Variants in SASH1 observed in about 807,000 individuals in gnomAD.
The protein encoded by SASH1 is SAM and SH3 domain containing 1.
SASH1 carries 44 observed loss-of-function variants against 125.2 expected under a neutral mutation model. That is an observed-to-expected ratio of 0.35 (90% CI 0.28 to 0.45). The LOEUF is 0.45. SASH1 is among the 20% of genes least tolerant of loss of function. The pLI, the probability that SASH1 is intolerant of heterozygous loss-of-function variation, is 1.00. For missense variants in SASH1, 1,426 were observed against 1,614.5 expected (o/e 0.88, Z 2.00); for synonymous variants, 639 against 649.1 (o/e 0.98, Z 0.24).
At chr6:148,260,662 A>G in the SASH1 span, among the ~76,000 whole-genome samples, 3 of 151,894 alleles carry the variant, frequency 2.0e-5, no homozygotes, top group African/African-American at 7.3e-5. Context: ...CACGTAAATA[A>G]TCTTATAGTT....
intron 1 of SASH1, among the ~76,000 whole-genome samples, chr6:148,311,984 C>G (rs1474971358): frequency 6.6e-6 from 1 of 152,198 alleles, no homozygotes; most frequent in African/African-American, 2.4e-5. Context: ...TTCTGTTACA[C>G]TGAGTCACCT....
intron 1 of SASH1, among the ~76,000 whole-genome samples, chr6:148,300,197 T>G (rs1045374534): frequency 1.3e-5 from 2 of 152,210 alleles, no homozygotes; most frequent in Non-Finnish European, 2.9e-5. Context: ...CTTTCATTAG[T>G]ATGATCAGAT....
At chr6:148,506,261 G>T (rs574943450) in intron 8 of SASH1, among the ~76,000 whole-genome samples, 3 of 151,774 alleles carry the variant, frequency 2.0e-5, no homozygotes, top group Non-Finnish European at 4.4e-5. Flanking sequence ...ATCATCTGAG[G>T]TTAGGAGTTT....
chr6:148,251,145 C>T, the SASH1 span, among the ~76,000 whole-genome samples: 4 of 152,118 alleles, frequency 2.6e-5, no homozygotes, highest in South Asian at 6.2e-4. Context: ...TTTAGGAACT[C>T]GTTATGTGGC....
intron 4 of SASH1, among the ~76,000 whole-genome samples, chr6:148,464,076 A>G (rs1443020003): frequency 6.6e-6 from 1 of 152,232 alleles, no homozygotes; most frequent in Non-Finnish European, 1.5e-5. Flanking sequence ...GGTAGGAGGA[A>G]AGAAACCAGT....
chr6:148,466,175 T>C (rs930929187), intron 4 of SASH1, among the ~76,000 whole-genome samples: 1 of 152,264 alleles, frequency 6.6e-6, no homozygotes, highest in African/African-American at 2.4e-5. Flanking sequence ...TTACATGTTC[T>C]GTATTCACAG....
At chr6:148,446,390 G>A (rs567588376) in intron 4 of SASH1, among the ~76,000 whole-genome samples, 1 of 152,270 alleles carries the variant, frequency 6.6e-6, no homozygotes, top group Non-Finnish European at 1.5e-5. Context: ...TGACAGGCGT[G>A]AGCCACCGTG....
In SASH1 at chr6:148,532,422, A is replaced by G. The variant is rs536490059; in HGVS notation, c.1565-375A>G. On this transcript the variant is annotated intron_variant, in intron 13 of 19. Coordinates refer to ENST00000367467, the MANE Select transcript of SASH1 (RefSeq NM_015278.5). This position sits in a 1 kb window ranked among gnomAD's most constrained non-coding sequence, Gnocchi z 4.7. ...TTTCTTACCCTTTTGGGCAAATGACATGACTGCTCTGAATTTGTTTCCTCA... is the reference window on the plus strand; with the variant it reads ...TTTCTTACCCTTTTGGGCAAATGACGTGACTGCTCTGAATTTGTTTCCTCA... Among the ~76,000 whole-genome samples the G allele has an allele frequency of 6.6e-6, 1 of 152,346 alleles. No homozygotes were observed. The highest frequency in any genetic ancestry group is 1.9e-4 in the East Asian group (1 of 5,194).
chr6:148,327,242 CGAATGAATGAAT>C (rs552385857), intron 1 of SASH1, among the ~76,000 whole-genome samples: 1 of 151,174 alleles, frequency 6.6e-6, no homozygotes, highest in Non-Finnish European at 1.5e-5. Flanking sequence ...AACGAACGGA[CGAATGAATGAAT>C]GAATGAATGA....
At chr6:148,517,572 T>C (rs1780514413) in intron 9 of SASH1, among the ~76,000 whole-genome samples, 1 of 152,134 alleles carries the variant, frequency 6.6e-6, no homozygotes, top group Non-Finnish European at 1.5e-5. Flanking sequence ...AAGCCACTGG[T>C]CAGGCTCAGA....
At chr6:148,420,227 T>G (rs1784999838) in intron 2 of SASH1, among the ~76,000 whole-genome samples, 1 of 152,236 alleles carries the variant, frequency 6.6e-6, no homozygotes, top group Non-Finnish European at 1.5e-5. Context: ...ATGTAAATTT[T>G]AGATCAAATC....
chr6:148,232,202 A>C, the SASH1 span, among the ~76,000 whole-genome samples: 1 of 152,180 alleles, frequency 6.6e-6, no homozygotes, highest in African/African-American at 2.4e-5. Flanking sequence ...GAATGTTGTC[A>C]TTGACTAAGA....
At chr6:148,194,915 CA>C in the SASH1 span, among the ~76,000 whole-genome samples, 4,386 of 152,036 alleles carry the variant, frequency 0.029, 182 homozygotes, top group African/African-American at 0.1. Context: ...CAAAACAAAA[CA>C]AAAAAAGAAT....
At position 148,358,733 on chromosome 6, in the gene SASH1, G is replaced by GTTTTT. The variant is rs10673654; in HGVS notation, c.156+15526_156+15530dup. ...TCCTGTTTCCTAATGCCATGTTTTT[G>GTTTTT]TTTTTTTTTTTTTTTTTTTTGAGAC... On this transcript the variant is annotated intron_variant, in intron 1 of 19. Coordinates refer to ENST00000367467, the MANE Select transcript of SASH1 (RefSeq NM_015278.5). 2.6e-3 allele frequency among the ~76,000 whole-genome samples: 318 copies of GTTTTT among 120,572 alleles called. 3 individuals are homozygous for GTTTTT. The highest frequency in any genetic ancestry group is 3.8e-3 in the Non-Finnish European group (225 of 59,764). 79.1% of individuals were successfully genotyped at this position (120,572 alleles called of 152,430 possible).
At chr6:148,314,769 CT>C (rs34187478) in intron 1 of SASH1, among the ~76,000 whole-genome samples, 56,074 of 132,370 alleles carry the variant, frequency 0.42, 10,478 homozygotes, top group Middle Eastern at 0.48. Context: ...GTATAAATGA[CT>C]TTTTTTTTTT....
At chr6:148,462,569 A>T (rs750635998) in intron 4 of SASH1, among the ~76,000 whole-genome samples, 5 of 152,138 alleles carry the variant, frequency 3.3e-5, no homozygotes, top group Admixed American at 2.6e-4. Flanking sequence ...TGCAATAGCC[A>T]GATAGTCAAT....
At chr6:148,262,037 C>T in the SASH1 span, among the ~76,000 whole-genome samples, 2 of 152,050 alleles carry the variant, frequency 1.3e-5, no homozygotes, top group African/African-American at 2.4e-5. Context: ...CCCCCAGCTT[C>T]GTGCACTCAG....
intron 1 of SASH1, among the ~76,000 whole-genome samples, chr6:148,374,412 T>C (rs1281308078): frequency 2.0e-5 from 3 of 152,208 alleles, no homozygotes; most frequent in African/African-American, 4.8e-5. Flanking sequence ...AAAAATTATG[T>C]ATTAGATGTC....
chr6:148,477,726 C>T (rs949770039), intron 7 of SASH1, among the ~76,000 whole-genome samples: 1 of 117,630 alleles, frequency 8.5e-6, no homozygotes, highest in African/African-American at 3.4e-5. Context: ...GAGATGGAGT[C>T]TTGCTCTGTC....
Sources: gnomAD v4.1 joint callset for allele counts (sites outside exome capture counted in the v4.1 genomes callset) on GRCh38, gnomAD v4.1.1 for gene constraint, Gnocchi (gnomAD v3.1) non-coding constraint, MANE v1.5 for transcripts, NCBI Gene and HGNC (gene_info 2026-07-23, HGNC 2026-07-21) for gene names.